ITIH2: variants seen among roughly 807,000 people sequenced by gnomAD.
The protein encoded by ITIH2 is inter-alpha-trypsin inhibitor heavy chain 2.
Under a neutral mutation model 104.4 loss-of-function variants are expected in ITIH2, and 103 were observed. That is an observed-to-expected ratio of 0.99 (90% CI 0.84 to 1.16). The LOEUF is 1.16. ITIH2 is among the 50% of genes most tolerant of loss of function. The pLI is 0.00. For synonymous variants in ITIH2, 436 were observed against 435.4 expected (o/e 1.00, Z -0.02); for missense variants, 1,108 against 1,162.4 (o/e 0.95, Z 0.68).
In ITIH2 at chr10:7,732,014, T is replaced by TGC. The variant is rs746772263; in HGVS notation, c.1647+18_1647+19insGC. ...CGACTTCGGTACTTCCACTTATCCA[T>TGC]TTATTCTATCTACTAACTGACCCCC... On this transcript the variant is annotated intron_variant, in intron 13 of 20. Transcript: ENST00000358415. 7 of 1,586,712 alleles carry TGC rather than the reference T, an allele frequency of 4.4e-6. No homozygotes were observed. The highest frequency in any genetic ancestry group is 1.1e-5 in the South Asian group (1 of 89,388).
At chr10:7,706,920 C>G (rs1166342793) in intron 2 of ITIH2, among the ~76,000 whole-genome samples, 1 of 152,084 alleles carries the variant, frequency 6.6e-6, no homozygotes, top group Non-Finnish European at 1.5e-5. Flanking sequence ...ACCCAGGATG[C>G]ATTTGGTTGA....
At chr10:7,746,357 A>G (rs1835177993) in intron 19 of ITIH2, among the ~76,000 whole-genome samples, 1 of 151,992 alleles carries the variant, frequency 6.6e-6, no homozygotes, top group East Asian at 1.9e-4. Flanking sequence ...CCTGGGCAAC[A>G]GAGGGAGATC....
chr10:7,733,644 T>G (rs113633140), intron 14 of ITIH2, among the ~76,000 whole-genome samples: 3 of 152,320 alleles, frequency 2.0e-5, no homozygotes, highest in African/African-American at 7.2e-5. Context: ...CTCTGACTTC[T>G]CAGCTGAGCT....
At chr10:7,739,729 C>T (rs1227273543) in intron 16 of ITIH2, among the ~76,000 whole-genome samples, 1 of 152,146 alleles carries the variant, frequency 6.6e-6, no homozygotes, top group Non-Finnish European at 1.5e-5. Flanking sequence ...ACAAAAAAAC[C>T]CTTTTCAAAA....
chr10:7,737,575 A>ATTATGTATTCTATATTAT (rs1835069497), intron 15 of ITIH2, among the ~76,000 whole-genome samples: 1 of 90,748 alleles, frequency 1.1e-5, no homozygotes, highest in African/African-American at 4.0e-5. Context: ...TTATATATTA[A>ATTATGTATTCTATATTAT]ATTCTATATT....
At chr10:7,733,229 T>C (rs1835021208) in intron 14 of ITIH2, among the ~76,000 whole-genome samples, 1 of 152,204 alleles carries the variant, frequency 6.6e-6, no homozygotes, top group South Asian at 2.1e-4. Context: ...TGTATTCCTC[T>C]GTTCCTGGCT....
At position 7,746,852 on chromosome 10, in the gene ITIH2, G is replaced by A. The variant is rs368085475; in HGVS notation, c.2693+148G>A. Reference sequence around the variant, plus strand: ...TTAGGAATAGACGCACACAGCATTCGCATAAGGACACTTCTGATATCCCAC... The same window carrying A: ...TTAGGAATAGACGCACACAGCATTCACATAAGGACACTTCTGATATCCCAC... On this transcript the variant is annotated intron_variant, in intron 20 of 20. Transcript: ENST00000358415. 2.8e-4 allele frequency: 159 copies of A among 573,600 alleles called. No individual in the cohort carries two copies. In the South Asian group the frequency reaches 3.7e-3, roughly 13 times the overall value. 35.5% of individuals were successfully genotyped at this position (573,600 alleles called of 1,614,324 possible).
At position 7,731,154 on chromosome 10, in the gene ITIH2, G is replaced by A. The variant is rs186911427; in HGVS notation, c.1462-657G>A. Among the ~76,000 whole-genome samples the A allele has an allele frequency of 6.5e-3, 989 of 152,228 alleles. 5 individuals are homozygous for A. Among genetic ancestry groups the A allele is most frequent in the Non-Finnish European group, 0.01 (704 of 68,024 alleles). On this transcript the variant is annotated intron_variant, in intron 12 of 20. Transcript: ENST00000358415. ...GCTGGTCTCAAACTCCTGAACTCAG[G>A]TGATCCGCCTGCCTTGGCCTCCCAA...
At chr10:7,729,862 A>ATTTTACTAAACTG in intron 11 of ITIH2, 90 bp from the exon 12 acceptor site, 3 of 794,744 alleles carry the variant, frequency 3.8e-6, no homozygotes, top group Non-Finnish European at 3.9e-6. Context: ...TAATCTGGAC[A>ATTTTACTAAACTG]CACTTTACTA....
chr10:7,707,878 A>T (rs960427898), intron 3 of ITIH2, among the ~76,000 whole-genome samples: 2 of 152,194 alleles, frequency 1.3e-5, no homozygotes, highest in Non-Finnish European at 2.9e-5. Context: ...TTTTGATTTA[A>T]AGTATGACAC....
chr10:7,730,753 C>T (rs1834994737), intron 12 of ITIH2, among the ~76,000 whole-genome samples: 2 of 151,408 alleles, frequency 1.3e-5, no homozygotes, highest in African/African-American at 4.9e-5. Context: ...AGGGAAAGAA[C>T]ATGTTTTTCC....
At chr10:7,707,313 T>C (rs1834756763) in intron 3 of ITIH2, 80 bp downstream of exon 3, 1 of 1,014,424 alleles carries the variant, frequency 9.9e-7, no homozygotes, top group East Asian at 2.4e-5. Context: ...GTGTCTCTTT[T>C]TTCTTCATCA....
chr10:7,705,226 A>C, intron 2 of ITIH2, 44 bp downstream of exon 2: 1 of 1,283,856 alleles, frequency 7.8e-7, no homozygotes, highest in Non-Finnish European at 1.1e-6. Context: ...AAAGTGAAAG[A>C]GATTATGGCA....
chr10:7,742,239 C>T (rs935772369), intron 16 of ITIH2, among the ~76,000 whole-genome samples: 6 of 145,898 alleles, frequency 4.1e-5, no homozygotes, highest in Admixed American at 1.4e-4. Context: ...TGGGAAAGAG[C>T]GGGAGAGGGA....
rs200683133 is a variant in ITIH2, at chr10:7,709,060, C to T, written c.231C>T (p.Val77=). The T allele has an allele frequency of 2.9e-5, 46 of 1,613,744 alleles. No homozygotes were observed. The highest frequency in any genetic ancestry group is 3.3e-5 in the Non-Finnish European group (39 of 1,179,852). Residue 77 remains valine, a synonymous_variant, in exon 4 of 21, where the codon GTC becomes GTT. Transcript: ENST00000358415. ...VDQVTLYSYK[V]QSTITSRMAT... Reference sequence around the variant, plus strand: ...AAGTAACTCTTTATAGCTATAAAGTCCAGTCTACTATTACTTCTCGGATGG... The same window carrying T: ...AAGTAACTCTTTATAGCTATAAAGTTCAGTCTACTATTACTTCTCGGATGG...
intron 5 of ITIH2, among the ~76,000 whole-genome samples, chr10:7,713,986 G>A (rs1463817841): frequency 6.6e-6 from 1 of 152,004 alleles, no homozygotes; most frequent in Non-Finnish European, 1.5e-5. Flanking sequence ...ACCATGCTGG[G>A]CTGCGATAGG....
intron 1 of ITIH2, among the ~76,000 whole-genome samples, chr10:7,704,352 A>G (rs1264716355): frequency 1.3e-5 from 2 of 152,252 alleles, no homozygotes; most frequent in Non-Finnish European, 2.9e-5. Flanking sequence ...CTTAAAAGCC[A>G]CCAGAGTGTG....
intron 2 of ITIH2, among the ~76,000 whole-genome samples, chr10:7,706,059 G>A (rs1156712957): frequency 6.6e-6 from 1 of 152,170 alleles, no homozygotes; most frequent in Admixed American, 6.5e-5. Flanking sequence ...GCAACCCTAA[G>A]CTGATCAATG....
intron 15 of ITIH2, among the ~76,000 whole-genome samples, chr10:7,737,523 CTATGTATTCTATATAATATATAT>C (rs1445990091): frequency 1.7e-4 from 21 of 126,656 alleles, no homozygotes; most frequent in Middle Eastern, 5.2e-3. Context: ...ATATTATATA[CTATGTATTCTATATAATATATAT>C]TATGTATTCT....
Sources: allele counts gnomAD v4.1 joint callset (sites outside exome capture counted in the v4.1 genomes callset), GRCh38; gene constraint gnomAD v4.1.1; transcripts MANE v1.5; gene names NCBI Gene and HGNC (gene_info 2026-07-23, HGNC 2026-07-21).